Variants in PKD1L1 observed in about 807,000 individuals in gnomAD.
PKD1L1 encodes the protein polycystin-1-like protein 1.
A neutral mutation model predicts 323.4 loss-of-function variants in PKD1L1; 236 were observed. The observed-to-expected ratio is 0.73, with a 90% CI of 0.66 to 0.81. The LOEUF (loss-of-function observed/expected upper bound fraction) is 0.81, where lower values mean the gene tolerates loss of function less well. PKD1L1 is among the 40% of genes least tolerant of loss of function. The probability of loss-of-function intolerance (pLI) is 0.00; values close to 1 mark genes in which losing one functional copy is unlikely to be tolerated. For synonymous variants in PKD1L1, 1,344 were observed against 1,335.0 expected (o/e 1.01, Z -0.15); for missense variants, 3,320 against 3,508.0 (o/e 0.95, Z 1.35).
rs1177231363 is a variant in PKD1L1, at chr7:47,931,299, G to C, written c.542C>G (p.Ala181Gly). The C allele has an allele frequency of 2.5e-6, 4 of 1,614,240 alleles. No homozygotes were observed. The highest frequency in any genetic ancestry group is 2.5e-6 in the Non-Finnish European group (3 of 1,180,048). The change falls in exon 6 of 57, where the codon GCA (alanine) becomes GGA (glycine). Residue 181 changes from alanine to glycine, a missense_variant. Coordinates refer to ENST00000289672, the MANE Select transcript of PKD1L1 (RefSeq NM_138295.5). ...LLQLQGTTSA[A>G]APCSLKMEAS... is the part of the protein sequence containing the mutation. ...CTCCATCTTCAGGCTGCAGGGAGCT[G>C]CTGCAGAAGTGGTGCCCTGGAGCTT...
intron 46 of PKD1L1, chr7:47,819,356 C>A (rs1305511261): frequency 1.4e-5 from 5 of 347,070 alleles, no homozygotes; most frequent in Non-Finnish European, 2.6e-5. Flanking sequence ...ATTTGAATAT[C>A]AAGAAGCAAC....
chr7:47,838,967 C>CGGA (rs1297481232), intron 36 of PKD1L1, among the ~76,000 whole-genome samples: 3 of 150,836 alleles, frequency 2.0e-5, no homozygotes, highest in Admixed American at 1.3e-4. Context: ...TAGGGAAAGA[C>CGGA]GGAAAGGACA....
In PKD1L1 at chr7:47,890,299, C is replaced by T. The variant is rs181985190; in HGVS notation, c.2675+243G>A. On this transcript the variant is annotated intron_variant, in intron 16 of 56. Coordinates refer to ENST00000289672, the MANE Select transcript of PKD1L1 (RefSeq NM_138295.5). Reference sequence around the variant, plus strand: ...CCGATGAGGTTCCACTTGGAACCCCCGGCTGTGCCAGCTTTAGCTAGTGTG... The same window carrying T: ...CCGATGAGGTTCCACTTGGAACCCCTGGCTGTGCCAGCTTTAGCTAGTGTG... 2.5e-3 allele frequency among the ~76,000 whole-genome samples: 383 copies of T among 152,318 alleles called. 1 individual carries two copies. Among genetic ancestry groups the T allele is most frequent in the African/African-American group, 8.5e-3 (353 of 41,572 alleles).
rs146775224 is a variant in PKD1L1 at position 47,814,503 on chromosome 7, C to T, written c.7090-489G>A. On this transcript the variant is annotated intron_variant, in intron 47 of 56. Coordinates refer to ENST00000289672, the MANE Select transcript of PKD1L1 (RefSeq NM_138295.5). The stretch of plus-strand genomic sequence containing the variant: ...CAAGCAATTCTCCTGCCTCAGCCTC[C>T]CAAGTAGCTAGGATTACAGGCATGT... Among the ~76,000 whole-genome samples the T allele has an allele frequency of 3.1e-3, 467 of 152,266 alleles. 5 individuals carry two copies. Among genetic ancestry groups the T allele is most frequent in the African/African-American group, 0.011 (449 of 41,548 alleles).
At chr7:47,830,191 G>A in intron 42 of PKD1L1, 67 bp from the exon 43 acceptor site, 1 of 1,359,920 alleles carries the variant, frequency 7.4e-7, no homozygotes. Context: ...AGTCATTGCT[G>A]CCTAAGCACA....
At chr7:47,925,418 G>T (rs1787637971) in intron 7 of PKD1L1, among the ~76,000 whole-genome samples, 1 of 152,134 alleles carries the variant, frequency 6.6e-6, no homozygotes, top group Non-Finnish European at 1.5e-5. Context: ...GGAAAAAATG[G>T]ACAGGAACAG....
chr7:47,905,312 G>A lies in PKD1L1; in HGVS notation c.1536C>T (p.Tyr512=), dbSNP rs1441331945. 1 of 1,613,800 alleles carries A rather than the reference G, an allele frequency of 6.2e-7. No individual in the cohort carries two copies. The highest frequency in any genetic ancestry group is 8.5e-7 in the Non-Finnish European group (1 of 1,179,970). Reference sequence around the variant, plus strand: ...CTGTGGCAAACACAGTTCCATTTGTGTAGACAGAGACGGCTGTGGCAAAAG... The same window carrying A: ...CTGTGGCAAACACAGTTCCATTTGTATAGACAGAGACGGCTGTGGCAAAAG... ...VWYKMQSVSV[Y]TNGTVFATDT... Residue 512 remains tyrosine, a synonymous_variant, in exon 11 of 57, where the codon TAC becomes TAT. Transcript: ENST00000289672.
At chr7:47,851,668 T>C (rs1209107946) in intron 31 of PKD1L1, among the ~76,000 whole-genome samples, 2 of 152,174 alleles carry the variant, frequency 1.3e-5, no homozygotes, top group South Asian at 2.1e-4. Context: ...AATGGAGAGA[T>C]TGGAGGTTCT....
At chr7:47,790,777 G>GTT (rs34956850) in intron 56 of PKD1L1, among the ~76,000 whole-genome samples, 1 of 146,440 alleles carries the variant, frequency 6.8e-6, no homozygotes, top group East Asian at 2.0e-4. Flanking sequence ...TCTGTTTTCT[G>GTT]TTTTTTTTTT....
At chr7:47,853,363 A>T (rs1276530574) in intron 30 of PKD1L1, 136 bp from the exon 31 acceptor site, 1 of 655,074 alleles carries the variant, frequency 1.5e-6, no homozygotes. Context: ...TGGGACTAAA[A>T]AGGGTCAATG....
upstream of PKD1L1, among the ~76,000 whole-genome samples, chr7:47,951,771 A>AT (rs1788208844): frequency 6.6e-6 from 1 of 152,260 alleles, no homozygotes; most frequent in Non-Finnish European, 1.5e-5. Flanking sequence ...AAGTGTATAC[A>AT]TAAAATATAC....
chr7:47,810,755 G>A (rs2128729092), intron 50 of PKD1L1, among the ~76,000 whole-genome samples: 1 of 152,344 alleles, frequency 6.6e-6, no homozygotes, highest in South Asian at 2.1e-4. Context: ...ATAACTCAGA[G>A]TGACTTCTGG....
intron 32 of PKD1L1, 103 bp from the exon 33 acceptor site, chr7:47,845,181 G>T: frequency 1.1e-6 from 1 of 892,488 alleles, no homozygotes; most frequent in East Asian, 2.7e-5. Flanking sequence ...AAGAAAGAGT[G>T]CAATAATGAT....
chr7:47,868,807 G>A lies in PKD1L1; in HGVS notation c.3897-2193C>T, dbSNP rs556079971. Among the ~76,000 whole-genome samples, 30 of 152,208 alleles carry A rather than the reference G, an allele frequency of 2.0e-4. No homozygotes were observed. In the South Asian group the frequency reaches 2.1e-3, roughly 11 times the overall value. On this transcript the variant is annotated intron_variant, in intron 24 of 56. Coordinates refer to ENST00000289672, the MANE Select transcript of PKD1L1 (RefSeq NM_138295.5). ...GTAGAATCGCTTGAACCCAGGAGGC[G>A]GAGGTTGCAGTGAGCCGAGATCACG...
At chr7:47,825,869 A>C (rs1306309582) in intron 45 of PKD1L1, among the ~76,000 whole-genome samples, 2 of 152,018 alleles carry the variant, frequency 1.3e-5, no homozygotes, top group Non-Finnish European at 2.9e-5. Flanking sequence ...TTGTCTTTTA[A>C]TTTTATAACC....
intron 45 of PKD1L1, among the ~76,000 whole-genome samples, chr7:47,822,837 T>C (rs1397861255): frequency 6.6e-6 from 1 of 152,214 alleles, no homozygotes; most frequent in African/African-American, 2.4e-5. Flanking sequence ...CTGTTGTAAA[T>C]AGTATTCCTT....
At chr7:47,880,141 G>A (rs1786506861) in intron 21 of PKD1L1, among the ~76,000 whole-genome samples, 1 of 138,796 alleles carries the variant, frequency 7.2e-6, no homozygotes, top group African/African-American at 2.9e-5. Context: ...CACAAAACAA[G>A]CAATAACACC....
chr7:47,890,853 G>T, intron 15 of PKD1L1, 90 bp from the exon 16 acceptor site: 1 of 1,139,908 alleles, frequency 8.8e-7, no homozygotes. Flanking sequence ...CCCCAGGTGA[G>T]GGGGACCACA....
chr7:47,844,940 T>C lies in PKD1L1; in HGVS notation c.5237+55A>G. On this transcript the variant is annotated intron_variant, in intron 33 of 56. Coordinates refer to ENST00000289672, the MANE Select transcript of PKD1L1 (RefSeq NM_138295.5). ...CGGAATTATATGTGGGCATCCTGAGTGAACAGTAAAACAAATAAAGTCTAT... is the reference window on the plus strand; with the variant it reads ...CGGAATTATATGTGGGCATCCTGAGCGAACAGTAAAACAAATAAAGTCTAT... The C allele has an allele frequency of 2.0e-6, 3 of 1,465,020 alleles. No individual in the cohort carries two copies. In the South Asian group the frequency reaches 3.7e-5, roughly 18 times the overall value. 90.8% of individuals were successfully genotyped at this position (1,465,020 alleles called of 1,614,324 possible). A position where few individuals can be genotyped will look rare whatever the true frequency, so the allele number is the denominator to read the frequency against.
Sources: allele counts gnomAD v4.1 joint callset (sites outside exome capture counted in the v4.1 genomes callset), GRCh38; gene constraint gnomAD v4.1.1; transcripts MANE v1.5; gene names NCBI Gene and HGNC (gene_info 2026-07-23, HGNC 2026-07-21).